The following COL1A2 variants were observed in gnomAD, a reference collection of about 807,000 sequenced individuals.
COL1A2 encodes the protein collagen alpha-2(I) chain.
Under a neutral mutation model 174.3 loss-of-function variants are expected in COL1A2, and 49 were observed. The observed-to-expected ratio is 0.28, with a 90% confidence interval of 0.22 to 0.36. COL1A2 has a LOEUF of 0.36. Ranked by LOEUF, COL1A2 falls within the 10% of genes least tolerant of loss-of-function variation. The pLI, the probability that COL1A2 is intolerant of heterozygous loss-of-function variation, is 1.00. For missense variants in COL1A2, 1,438 were observed against 1,822.7 expected, an observed-to-expected ratio of 0.79 and a Z score of 3.84; for synonymous variants, 655 against 606.6, an observed-to-expected ratio of 1.08 and a Z score of -1.17.
At chr7:94,414,323 T>G (rs1278341089) in intron 29 of COL1A2, 48 bp downstream of exon 29, 1 of 1,533,940 alleles carries the variant, frequency 6.5e-7, no homozygotes, top group Non-Finnish European at 9.0e-7. Flanking sequence ...ACTTGAGAAT[T>G]TCCCCCTGTT....
chr7:94,419,951 G>A (rs1792120239), intron 34 of COL1A2, among the ~76,000 whole-genome samples: 2 of 152,184 alleles, frequency 1.3e-5, no homozygotes, highest in Admixed American at 1.3e-4. Flanking sequence ...GCCACAAATA[G>A]ATCAGCCCCG....
At chr7:94,398,243 A>T in intron 2 of COL1A2, 139 bp from the exon 3 acceptor site, 1 of 320,170 alleles carries the variant, frequency 3.1e-6, no homozygotes, top group Non-Finnish European at 5.7e-6. Context: ...GTAGTTTGAA[A>T]TATTAAACTG....
At chr7:94,426,389 GGTAA>G in intron 45 of COL1A2, 30 bp from the exon 46 acceptor site, 1 of 1,538,966 alleles carries the variant, frequency 6.5e-7, no homozygotes, top group Non-Finnish European at 8.8e-7. Flanking sequence ...TTTTTAAAAC[GGTAA>G]GTCTTATCCA....
rs1791756508 is a variant in COL1A2 at position 94,404,599 on chromosome 7, C to G, written c.323C>G (p.Pro108Arg). The G allele has an allele frequency of 1.9e-6, 3 of 1,613,814 alleles. No homozygotes were observed. Among genetic ancestry groups the G allele is most frequent in the Admixed American group, 1.7e-5 (1 of 60,002 alleles). The change falls in exon 7 of 52, where the codon CCA becomes CGA. Residue 108 changes from proline (P) to arginine (R), a missense_variant and splice_region_variant. Pro to Arg is a moderately radical substitution (Grantham distance 103, BLOSUM62 -2). Around this residue, in one of 3 missense-constraint regions of COL1A2, gnomAD observed 281 missense variants for 310.9 expected, o/e 0.90. Transcript: ENST00000297268. ...PRGPPGAAGA[P>R]GPQGFQGPAG... ...GGCCCACCTGGTGCAGCTGGAGCCCCAGTAAGTACTGAAAGCTTGTAATGC... is the reference window on the plus strand; with the variant it reads ...GGCCCACCTGGTGCAGCTGGAGCCCGAGTAAGTACTGAAAGCTTGTAATGC...
At chr7:94,414,352 C>T in intron 29 of COL1A2, 77 bp downstream of exon 29, 1 of 1,243,338 alleles carries the variant, frequency 8.0e-7, no homozygotes, top group Admixed American at 1.7e-5. Context: ...CACTGCTATG[C>T]AATTATAATA....
intron 34 of COL1A2, among the ~76,000 whole-genome samples, chr7:94,419,798 G>A (rs905458502): frequency 6.6e-6 from 1 of 152,166 alleles, no homozygotes; most frequent in African/African-American, 2.4e-5. Flanking sequence ...GTCTCTCCAT[G>A]TTGCGCATTA....
chr7:94,413,811 C>G (rs2115908661), intron 27 of COL1A2, 68 bp downstream of exon 27: 1 of 1,608,914 alleles, frequency 6.2e-7, no homozygotes, highest in South Asian at 1.1e-5. Flanking sequence ...CTGGCCATCT[C>G]CATTTTCAGT....
intron 6 of COL1A2, among the ~76,000 whole-genome samples, chr7:94,403,662 T>C (rs1562898611): frequency 1.3e-5 from 2 of 152,186 alleles, no homozygotes; most frequent in Admixed American, 6.5e-5. Context: ...GTTATTTCAC[T>C]CTAGGCATTA....
rs771749616 is a variant in COL1A2 at position 94,400,271 on chromosome 7, C to T, written c.208C>T (p.Pro70Ser). The change falls in exon 5 of 52, where the codon CCC (proline) becomes TCC (serine). Residue 70 changes from proline to serine, a missense_variant. By Grantham distance (74) the Pro-to-Ser change is moderately conservative. Coordinates refer to ENST00000297268, the MANE Select transcript of COL1A2 (RefSeq NM_000089.4). ...TCCTGGTCCACCTGGTCCTCCTGGC[C>T]CCCCTGGTCTCGGTGGGGTAAGGTG... ...GPPGPPGPPG[P>S]PGLGGNFAAQ... The T allele has an allele frequency of 1.7e-5, 28 of 1,613,556 alleles. No homozygotes were observed. In the African/African-American group the frequency reaches 2.9e-4, roughly 17 times the overall value.
Position 94,409,364 on chromosome 7 carries a change from G to C in COL1A2, c.835G>C (p.Ala279Pro), listed in dbSNP as rs374616916. The change falls in exon 17 of 52, where the codon GCC (alanine) becomes CCC (proline). Residue 279 changes from alanine to proline, a missense_variant. Physicochemically the swap from Ala to Pro is conservative, Grantham distance 27 (BLOSUM62 -1). Around this residue, in one of 3 missense-constraint regions of COL1A2, gnomAD observed 867 missense variants for 1,213.7 expected, o/e 0.71. Transcript: ENST00000297268. ...TGGTAACGCTGGTCCTGCTGGTCCC[G>C]CCGGTCCCCGTGGTGAAGTGGGTCT... ...AVGNAGPAGP[A>P]GPRGEVGLPG... 51 of 1,614,148 alleles carry C rather than the reference G, an allele frequency of 3.2e-5. No individual in the cohort carries two copies. Among genetic ancestry groups the C allele is most frequent in the Non-Finnish European group, 4.2e-5 (50 of 1,180,018 alleles).
chr7:94,422,686 G>A, intron 39 of COL1A2: 1 of 463,384 alleles, frequency 2.2e-6, no homozygotes, highest in East Asian at 4.3e-5. Flanking sequence ...AATATGCCAG[G>A]GTACCAGTGG....
rs1791835733 is a variant in COL1A2 at position 94,407,907 on chromosome 7, T to G, written c.639+16T>G. 6.2e-7 allele frequency: 1 copy of G among 1,609,554 alleles called. No homozygotes were observed. Among genetic ancestry groups the G allele is most frequent in the African/African-American group, 1.3e-5 (1 of 74,842 alleles). On this transcript the variant is annotated intron_variant, in intron 13 of 51. Transcript: ENST00000297268. ...AGGTCAAACAGTAAGTATTGACTAC[T>G]TCATTGTAAATTTAAATGTGTACAC...
At chr7:94,405,103 T>A in intron 9 of COL1A2, 96 bp from the exon 10 acceptor site, 1 of 1,286,564 alleles carries the variant, frequency 7.8e-7, no homozygotes, top group East Asian at 2.4e-5. Flanking sequence ...TATTTTTATG[T>A]GATAACTTTC....
rs749567968 is a variant in COL1A2, at chr7:94,409,560, A to G, written c.892-4A>G. The G allele has an allele frequency of 1.2e-6, 2 of 1,614,234 alleles. No homozygotes were observed. Among genetic ancestry groups the G allele is most frequent in the Admixed American group, 1.7e-5 (1 of 60,028 alleles). On this transcript the variant is annotated splice_polypyrimidine_tract_variant and splice_region_variant and intron_variant, in intron 17 of 51. Coordinates refer to ENST00000297268, the MANE Select transcript of COL1A2 (RefSeq NM_000089.4). Reference sequence around the variant, plus strand: ...ATATCCTTCTCCTTTCCTTTTCCTCATAGGGTAATCCTGGAGCAAACGGCC... The same window carrying G: ...ATATCCTTCTCCTTTCCTTTTCCTCGTAGGGTAATCCTGGAGCAAACGGCC...
At position 94,430,597 on chromosome 7, in the gene COL1A2, A is replaced by C. The variant is rs890569077; in HGVS notation, c.*204A>C. The C allele has an allele frequency of 6.8e-6, 4 of 587,248 alleles. No homozygotes were observed. Among genetic ancestry groups the C allele is most frequent in the East Asian group, 2.9e-5 (1 of 34,514 alleles). 36.4% of individuals were successfully genotyped at this position (587,248 alleles called of 1,614,324 possible). A position where few individuals can be genotyped will look rare whatever the true frequency, so the allele number is the denominator to read the frequency against. On this transcript the variant is annotated 3_prime_UTR_variant, in exon 52 of 52. Coordinates refer to ENST00000297268, the MANE Select transcript of COL1A2 (RefSeq NM_000089.4). ...CATTAACTCCTTCCCCCGCTCCCCC[A>C]AAAATTTGAATTTTTTTTTCAACAC...
intron 41 of COL1A2, chr7:94,424,813 A>G (rs1046906117): frequency 2.1e-6 from 1 of 477,330 alleles, no homozygotes; most frequent in Non-Finnish European, 3.8e-6. Context: ...GACAACAACT[A>G]GAAACCATCT....
intron 19 of COL1A2, 97 bp downstream of exon 19, chr7:94,409,918 T>C: frequency 8.2e-7 from 1 of 1,216,764 alleles, no homozygotes; most frequent in East Asian, 2.5e-5. Context: ...TTATTATTCC[T>C]ATTTTTCTCT....
At chr7:94,406,728 C>T (rs1791807538) in intron 12 of COL1A2, among the ~76,000 whole-genome samples, 1 of 152,082 alleles carries the variant, frequency 6.6e-6, no homozygotes, top group South Asian at 2.1e-4. Context: ...CAACCTCTTT[C>T]CTGTGATTTA....
chr7:94,407,790 A>C, intron 12 of COL1A2, 57 bp from the exon 13 acceptor site: 1 of 1,513,038 alleles, frequency 6.6e-7, no homozygotes, highest in Non-Finnish European at 9.2e-7. Flanking sequence ...AAATTGCACT[A>C]TCAGGAAAAA....
Sources: gnomAD v4.1 joint callset for allele counts (sites outside exome capture counted in the v4.1 genomes callset) on GRCh38, gnomAD v4.1.1 for gene constraint, gnomAD v4.1.1 regional missense constraint, MANE v1.5 for transcripts, NCBI Gene and HGNC (gene_info 2026-07-23, HGNC 2026-07-21) for gene names.